Variants in IL34 observed in about 807,000 individuals in gnomAD.
The protein encoded by IL34 is interleukin 34, also known as interleukin-34.
In IL34, 17 loss-of-function variants were observed where a neutral mutation model predicts 25.3. That is an observed-to-expected ratio of 0.67 (90% CI 0.46 to 1.01). The LOEUF (loss-of-function observed/expected upper bound fraction) is 1.01. IL34 is among the 50% of genes least tolerant of loss of function. IL34 has a pLI of 0.00. For synonymous variants in IL34, 174 were observed against 140.9 expected, an observed-to-expected ratio of 1.23 and a Z score of -1.66; for missense variants, 368 against 312.9, an observed-to-expected ratio of 1.18 and a Z score of -1.33.
At chr16:70,598,212 C>CA (rs2050853219) in intron 1 of IL34, among the ~76,000 whole-genome samples, 2 of 152,064 alleles carry the variant, frequency 1.3e-5, no homozygotes, top group Non-Finnish European at 2.9e-5. Flanking sequence ...CCGTCTGCCC[C>CA]CCAGAACTTC....
At chr16:70,594,271 T>G (rs1165854286) in intron 1 of IL34, among the ~76,000 whole-genome samples, 1 of 152,248 alleles carries the variant, frequency 6.6e-6, no homozygotes, top group African/African-American at 2.4e-5. Context: ...TCTCCATTTA[T>G]TTAGATCTTT....
intron 1 of IL34, among the ~76,000 whole-genome samples, chr16:70,636,771 C>CAAACA (rs57095554): frequency 0.43 from 64,625 of 150,868 alleles, 14,083 homozygotes; most frequent in South Asian, 0.63. Context: ...CTGTCTCAAA[C>CAAACA]AAACAAAACA....
At chr16:70,607,866 G>T (rs2051031059) in intron 1 of IL34, among the ~76,000 whole-genome samples, 1 of 151,756 alleles carries the variant, frequency 6.6e-6, no homozygotes, top group African/African-American at 2.4e-5. Context: ...CTGGGTTCAA[G>T]CAATTTTCCT....
At position 70,600,265 on chromosome 16, in the gene IL34, C is replaced by T. The variant is rs150561982; in HGVS notation, c.-401+20216C>T. On this transcript the variant is annotated intron_variant, in intron 1 of 6. Transcript: ENST00000429149. The stretch of plus-strand genomic sequence containing the variant: ...AAGCCTGCTTGACCACCTTGGTCAA[C>T]TCTAATCCATCCCTTCTCCAATCAC... Among the ~76,000 whole-genome samples, 392 of 152,320 alleles carry T rather than the reference C, an allele frequency of 2.6e-3. 2 individuals are homozygous for T. The Middle Eastern group carries it at 0.054, about 21-fold the overall frequency.
At chr16:70,644,695 TGAGGAGGAGGAG>T (rs544040162), upstream of IL34, among the ~76,000 whole-genome samples, 1,326 of 75,268 alleles carry the variant, frequency 0.018, 28 homozygotes, top group Non-Finnish European at 0.016. Context: ...ATTGCCAGGG[TGAGGAGGAGGAG>T]GAGGGGGAGG....
chr16:70,617,595 G>A (rs952935138), intron 1 of IL34, among the ~76,000 whole-genome samples: 13 of 152,198 alleles, frequency 8.5e-5, no homozygotes, highest in East Asian at 1.9e-4. Flanking sequence ...GTAGCATTCC[G>A]AAGACAGGCC....
chr16:70,630,540 C>A (rs2051496175), intron 1 of IL34, among the ~76,000 whole-genome samples: 4 of 151,168 alleles, frequency 2.6e-5, no homozygotes, highest in African/African-American at 9.7e-5. Flanking sequence ...CCCCTCCCTT[C>A]CCCTCCTCTC....
intron 1 of IL34, among the ~76,000 whole-genome samples, chr16:70,628,598 T>C (rs1398939330): frequency 6.6e-6 from 1 of 151,732 alleles, no homozygotes; most frequent in African/African-American, 2.4e-5. Context: ...GCGATTCTCC[T>C]ACCTCAGCCT....
chr16:70,592,291 G>A (rs546300989), intron 1 of IL34, among the ~76,000 whole-genome samples: 3 of 152,170 alleles, frequency 2.0e-5, no homozygotes, highest in East Asian at 1.9e-4. Context: ...TCACTGGAGC[G>A]GGTGCCTCCT....
At chr16:70,589,622 A>AT (rs34813482) in intron 1 of IL34, among the ~76,000 whole-genome samples, 2,984 of 136,742 alleles carry the variant, frequency 0.022, 62 homozygotes, top group African/African-American at 0.055. Flanking sequence ...TTTTACCATG[A>AT]TTTTTTTTTT....
chr16:70,605,724 G>A (rs1254967427), intron 1 of IL34, among the ~76,000 whole-genome samples: 1 of 151,998 alleles, frequency 6.6e-6, no homozygotes, highest in Non-Finnish European at 1.5e-5. Context: ...AGACCGGAGT[G>A]CAGCAGCGCA....
At chr16:70,658,769 C>G (rs147869018) in intron 4 of IL34, among the ~76,000 whole-genome samples, 94 of 152,280 alleles carry the variant, frequency 6.2e-4, no homozygotes, top group African/African-American at 2.1e-3. Context: ...CATTCCTGGC[C>G]GTCTCAGTCT....
In IL34 at chr16:70,583,931, C is replaced by T. The variant is rs901761565; in HGVS notation, c.-401+3882C>T. On this transcript the variant is annotated intron_variant, in intron 1 of 6. Transcript: ENST00000429149. The stretch of plus-strand genomic sequence containing the variant: ...CCTCCCAAAGTGCTGGGATTACGAG[C>T]GTGAACCACCGTGCCTGGCCCAGGG... Among the ~76,000 whole-genome samples the T allele has an allele frequency of 3.3e-5, 5 of 152,152 alleles. No homozygotes were observed. In the South Asian group the frequency reaches 8.3e-4, roughly 25 times the overall value.
intron 1 of IL34, among the ~76,000 whole-genome samples, chr16:70,637,737 T>C (rs567178266): frequency 6.6e-6 from 1 of 152,366 alleles, no homozygotes; most frequent in Non-Finnish European, 1.5e-5. Context: ...CAGTGTTGAT[T>C]GAAGAGACTT....
chr16:70,656,599 C>A lies in IL34; in HGVS notation c.163-3C>A. On this transcript the variant is annotated splice_region_variant and splice_polypyrimidine_tract_variant and intron_variant, in intron 2 of 5. Transcript: ENST00000288098. ...CTCATAGTTTGTTCTTGTGCCTCTC[C>A]AGAAACACTACTTCCCCATCAACTA... is the stretch of plus-strand genomic sequence containing the variant. 7.8e-7 allele frequency: 1 copy of A among 1,276,940 alleles called. No homozygotes were observed. Among genetic ancestry groups the A allele is most frequent in the African/African-American group, 1.5e-5 (1 of 68,638 alleles). The allele number at this position is 1,276,940 out of a possible 1,614,324, so 79.1% of individuals were successfully genotyped here. A position where few individuals can be genotyped will look rare whatever the true frequency, so the allele number is the denominator to read the frequency against.
Position 70,599,872 on chromosome 16 carries a change from G to T in IL34, c.-401+19823G>T, listed in dbSNP as rs796604179. ...TAATTTTTAATTTTGTAGAGATGGG[G>T]TCTCCCTATGTTGCCCAGGCTGGTC... On this transcript the variant is annotated intron_variant, in intron 1 of 6. Coordinates refer to the IL34 transcript ENST00000429149. Among the ~76,000 whole-genome samples the T allele has an allele frequency of 1.6e-4, 24 of 151,916 alleles. 1 individual carries two copies. The highest frequency in any genetic ancestry group is 5.3e-4 in the African/African-American group (22 of 41,420).
chr16:70,580,593 CA>C (rs1418424813), intron 1 of IL34, among the ~76,000 whole-genome samples: 1 of 152,030 alleles, frequency 6.6e-6, no homozygotes, highest in African/African-American at 2.4e-5. Context: ...CCAGCCTGGC[CA>C]ACAAGATGAA....
chr16:70,609,551 A>G (rs1435246106), intron 1 of IL34, among the ~76,000 whole-genome samples: 9 of 137,790 alleles, frequency 6.5e-5, no homozygotes, highest in Non-Finnish European at 1.0e-4. Context: ...AGCAACAAGC[A>G]AGTGCGTACC....
chr16:70,602,407 C>A (rs1054173716), intron 1 of IL34, among the ~76,000 whole-genome samples: 1 of 152,100 alleles, frequency 6.6e-6, no homozygotes, highest in African/African-American at 2.4e-5. Context: ...GTGGCTCATG[C>A]CTGTGGTCCC....
Sources: gnomAD v4.1 joint callset for allele counts (sites outside exome capture counted in the v4.1 genomes callset) on GRCh38, gnomAD v4.1.1 for gene constraint, MANE v1.5 for transcripts, NCBI Gene and HGNC (gene_info 2026-07-23, HGNC 2026-07-21) for gene names.